AK2: variants seen among roughly 807,000 people sequenced by gnomAD.
The protein encoded by AK2 is adenylate kinase 2, mitochondrial.
Under a neutral mutation model 24.6 loss-of-function variants are expected in AK2, and 15 were observed. The ratio of observed to expected loss-of-function variants is 0.61; its 90% CI spans 0.41 to 0.94. The LOEUF (loss-of-function observed/expected upper bound fraction) is 0.94, where lower values mean the gene tolerates loss of function less well. Among genes scored for constraint, AK2 ranks in the 40% least tolerant of loss-of-function variants. The pLI, the probability that AK2 is intolerant of heterozygous loss-of-function variation, is 0.00. For missense variants in AK2, 257 were observed against 304.1 expected (o/e 0.85, Z 1.15); for synonymous variants, 102 against 114.0 (o/e 0.90, Z 0.67).
At chr1:33,017,398 C>G (rs190003459) in intron 4 of AK2, among the ~76,000 whole-genome samples, 1 of 152,092 alleles carries the variant, frequency 6.6e-6, no homozygotes, top group Non-Finnish European at 1.5e-5. Flanking sequence ...CTGGGAGACC[C>G]AGGGAAAGGA....
intron 1 of AK2, among the ~76,000 whole-genome samples, chr1:33,027,747 CAAAA>C (rs1157782051): frequency 6.4e-5 from 4 of 62,078 alleles, no homozygotes; most frequent in Admixed American, 1.9e-4. Context: ...ACTCTTGTCT[CAAAA>C]AAAAAAAAAA....
chr1:33,034,610 G>C (rs1201599970), intron 1 of AK2, among the ~76,000 whole-genome samples: 1 of 152,174 alleles, frequency 6.6e-6, no homozygotes, highest in Non-Finnish European at 1.5e-5. Context: ...AATGAGCAAG[G>C]TAGGTATTAT....
At chr1:33,027,573 C>T (rs573470994) in intron 1 of AK2, among the ~76,000 whole-genome samples, 136 of 152,102 alleles carry the variant, frequency 8.9e-4, no homozygotes, top group Non-Finnish European at 1.6e-3. Context: ...GATGGTGAAA[C>T]CCCGTCTCTA....
At chr1:33,024,322 C>T in intron 2 of AK2, 120 bp downstream of exon 2, 1 of 1,384,472 alleles carries the variant, frequency 7.2e-7, no homozygotes, top group South Asian at 1.2e-5. Flanking sequence ...AACTGAGGAA[C>T]TGATTTTTAC....
intron 4 of AK2, chr1:33,019,812 G>A (rs1438030358): frequency 2.7e-6 from 3 of 1,130,708 alleles, no homozygotes; most frequent in Non-Finnish European, 3.3e-6. Context: ...GTGGCTAACT[G>A]GAAGAAACAT....
intron 4 of AK2, 92 bp downstream of exon 4, chr1:33,021,275 C>T (rs898431060): frequency 8.8e-7 from 1 of 1,136,058 alleles, no homozygotes; most frequent in African/African-American, 1.5e-5. Context: ...TGAAATGGCA[C>T]TAAGCTTCAT....
chr1:33,008,314 ATC>A lies in AK2; in HGVS notation c.*4865_*4866del. 1 of 454,006 alleles carries A rather than the reference ATC, an allele frequency of 2.2e-6. No homozygotes were observed. The highest frequency in any genetic ancestry group is 1.6e-5 in the South Asian group (1 of 64,470). The allele number at this position is 454,006 out of a possible 1,614,324, so 28.1% of individuals were successfully genotyped here. ...GTCGCATGGTGAAGTCGCTGTTGAA[ATC>A]TGTCTTCTGACTCGTTGCTCTGTCT... On this transcript the variant is annotated 3_prime_UTR_variant, in exon 6 of 6. Coordinates refer to ENST00000672715, the MANE Select transcript of AK2 (RefSeq NM_001625.4).
Position 33,009,885 on chromosome 1 carries a change from C to A in AK2, c.*3296G>T, listed in dbSNP as rs1369642199. On this transcript the variant is annotated 3_prime_UTR_variant, in exon 6 of 6. Transcript: ENST00000672715. ...CCAGAATTCAATGTCATTTTTCTAGCTTAGATTATCTAAAAAAAATGCCAC... is the reference window on the plus strand; with the variant it reads ...CCAGAATTCAATGTCATTTTTCTAGATTAGATTATCTAAAAAAAATGCCAC... 2.2e-5 allele frequency: 10 copies of A among 453,526 alleles called. No individual in the cohort carries two copies. The highest frequency in any genetic ancestry group is 9.3e-5 in the South Asian group (6 of 64,416). The allele number at this position is 453,526 out of a possible 1,614,324, so 28.1% of individuals were successfully genotyped here. A position where few individuals can be genotyped will look rare whatever the true frequency, so the allele number is the denominator to read the frequency against.
At chr1:33,016,114 C>T (rs1228356675) in intron 4 of AK2, among the ~76,000 whole-genome samples, 3 of 152,082 alleles carry the variant, frequency 2.0e-5, no homozygotes, top group African/African-American at 7.2e-5. Context: ...GTTCCAGGAG[C>T]CCCCTCTGTG....
At position 33,021,715 on chromosome 1, in the gene AK2, G is replaced by A. The variant is rs1639571483; in HGVS notation, c.220-12C>T. 1.0e-5 allele frequency: 16 copies of A among 1,596,272 alleles called. No individual in the cohort carries two copies. The East Asian group carries it at 3.6e-4, about 36-fold the overall frequency. ...ATTTCATCACTCACCTGGAAGTTAG[G>A]AACAAAATAGCCTTGGGTTTAAATC... is the stretch of plus-strand genomic sequence containing the variant. On this transcript the variant is annotated splice_polypyrimidine_tract_variant and intron_variant, in intron 2 of 5. Coordinates refer to ENST00000672715, the MANE Select transcript of AK2 (RefSeq NM_001625.4).
intron 1 of AK2, among the ~76,000 whole-genome samples, chr1:33,030,366 G>A (rs1174566914): frequency 6.6e-6 from 1 of 152,108 alleles, no homozygotes; most frequent in Non-Finnish European, 1.5e-5. Context: ...ACCAGTCCGG[G>A]CAACACAGCA....
intron 4 of AK2, among the ~76,000 whole-genome samples, chr1:33,016,413 G>A (rs540617417): frequency 2.0e-4 from 30 of 151,912 alleles, no homozygotes; most frequent in Admixed American, 3.9e-4. Context: ...GGGTTTCACC[G>A]TGTTAGCCAG....
chr1:33,015,198 A>C (rs760208485), intron 4 of AK2, among the ~76,000 whole-genome samples: 183 of 152,374 alleles, frequency 1.2e-3, no homozygotes, highest in Non-Finnish European at 2.1e-3. Flanking sequence ...ATAATGGAAC[A>C]CATCTTTTCA....
intron 1 of AK2, among the ~76,000 whole-genome samples, chr1:33,027,066 C>A (rs561025541): frequency 1.3e-5 from 2 of 152,040 alleles, no homozygotes; most frequent in Non-Finnish European, 2.9e-5. Flanking sequence ...GTGGAAGTTG[C>A]GGCGAGCCGA....
rs1245821952 is a variant in AK2, at chr1:33,009,580, C to T, written c.*3601G>A. Reference sequence around the variant, plus strand: ...TCTTCCTATAAATTTCATTTAATGCCATTAAGGCCAAGAAGGTGGCATAAC... The same window carrying T: ...TCTTCCTATAAATTTCATTTAATGCTATTAAGGCCAAGAAGGTGGCATAAC... On this transcript the variant is annotated 3_prime_UTR_variant, in exon 6 of 6. Transcript: ENST00000672715. 2 of 454,116 alleles carry T rather than the reference C, an allele frequency of 4.4e-6. No homozygotes were observed. Among genetic ancestry groups the T allele is most frequent in the Non-Finnish European group, 8.8e-6 (2 of 226,794 alleles). 28.1% of individuals were successfully genotyped at this position (454,116 alleles called of 1,614,324 possible).
In AK2 at chr1:33,011,882, G is replaced by T. The variant is rs1442655019; in HGVS notation, c.*1299C>A. ...TGGCTATAGCCATCATAAAATTAGG[G>T]GTGAAGGGTTGGATCTAGAAAGGAG... On this transcript the variant is annotated 3_prime_UTR_variant, in exon 6 of 6. Coordinates refer to ENST00000672715, the MANE Select transcript of AK2 (RefSeq NM_001625.4). 84 of 1,529,036 alleles carry T rather than the reference G, an allele frequency of 5.5e-5. No homozygotes were observed. Among genetic ancestry groups the T allele is most frequent in the Non-Finnish European group, 7.0e-5 (80 of 1,144,398 alleles). 94.7% of individuals were successfully genotyped at this position (1,529,036 alleles called of 1,614,324 possible). A position where few individuals can be genotyped will look rare whatever the true frequency, so the allele number is the denominator to read the frequency against.
rs1019734744 is a variant in AK2 at position 33,007,998 on chromosome 1, GAATTT to G, written c.*5178_*5182del. 38 of 453,614 alleles carry G rather than the reference GAATTT, an allele frequency of 8.4e-5. No homozygotes were observed. The highest frequency in any genetic ancestry group is 2.8e-4 in the East Asian group (4 of 14,404). The allele number at this position is 453,614 out of a possible 1,614,324, so 28.1% of individuals were successfully genotyped here. On this transcript the variant is annotated 3_prime_UTR_variant, in exon 6 of 6. Coordinates refer to ENST00000672715, the MANE Select transcript of AK2 (RefSeq NM_001625.4). Reference sequence around the variant, plus strand: ...CATGCAGAACCTCTCACACAGCTAAGAATTTAATATGTTAGACTATTATTAATTAT... The same window carrying G: ...CATGCAGAACCTCTCACACAGCTAAGAATATGTTAGACTATTATTAATTAT...
intron 4 of AK2, among the ~76,000 whole-genome samples, chr1:33,015,295 T>G (rs1019138317): frequency 6.6e-6 from 1 of 152,184 alleles, no homozygotes. Context: ...TCATGGAATA[T>G]AGAGCTCAAG....
At position 33,010,658 on chromosome 1, in the gene AK2, C is replaced by T. The variant is rs533946526; in HGVS notation, c.*2523G>A. The T allele has an allele frequency of 7.1e-6, 11 of 1,556,380 alleles. No individual in the cohort carries two copies. In the East Asian group the frequency reaches 1.2e-4, roughly 17 times the overall value. ...AACTCTCACCTATGTATAAAAGAAA[C>T]TGCCACACTACAATAACACTGCTGT... is the stretch of plus-strand genomic sequence containing the variant. On this transcript the variant is annotated 3_prime_UTR_variant, in exon 6 of 6. Transcript: ENST00000672715.
Sources: allele counts gnomAD v4.1 joint callset (sites outside exome capture counted in the v4.1 genomes callset), GRCh38; gene constraint gnomAD v4.1.1; transcripts MANE v1.5; gene names NCBI Gene and HGNC (gene_info 2026-07-23, HGNC 2026-07-21).